The following TCF12 variants were observed in gnomAD, a reference collection of about 807,000 sequenced individuals.
The protein encoded by TCF12 is DNA-binding protein HTF4.
In TCF12, 45 loss-of-function variants were observed where a neutral mutation model predicts 86.0. The observed-to-expected ratio is 0.52, with a 90% CI of 0.41 to 0.67. The LOEUF (loss-of-function observed/expected upper bound fraction) is 0.67. Among genes scored for constraint, TCF12 ranks in the 30% least tolerant of loss-of-function variants. The probability of loss-of-function intolerance (pLI) is 0.00; values close to 1 mark genes in which losing one functional copy is unlikely to be tolerated. For missense variants in TCF12, 881 were observed against 859.9 expected, an observed-to-expected ratio of 1.02 and a Z score of -0.31; for synonymous variants, 330 against 299.6, an observed-to-expected ratio of 1.10 and a Z score of -1.05.
At chr15:56,951,725 C>T (rs1163087949) in intron 3 of TCF12, among the ~76,000 whole-genome samples, 1 of 152,192 alleles carries the variant, frequency 6.6e-6, no homozygotes, top group Non-Finnish European at 1.5e-5. Flanking sequence ...TCATGTCTCA[C>T]TGCAGCCTCG....
At chr15:57,062,919 T>G (rs1426678042) in intron 3 of TCF12, among the ~76,000 whole-genome samples, 1 of 152,182 alleles carries the variant, frequency 6.6e-6, no homozygotes, top group African/African-American at 2.4e-5. Flanking sequence ...TGAAAAAGAC[T>G]GGAGTCTTCA....
chr15:57,121,250 C>T (rs1482161546), intron 5 of TCF12, among the ~76,000 whole-genome samples: 1 of 152,148 alleles, frequency 6.6e-6, no homozygotes, highest in Admixed American at 6.5e-5. Flanking sequence ...TGGATAGAAC[C>T]AGACTTTGTC....
chr15:57,185,129 T>TTCTC (rs2056592921), intron 6 of TCF12, among the ~76,000 whole-genome samples: 1 of 152,232 alleles, frequency 6.6e-6, no homozygotes, highest in Admixed American at 6.5e-5. Context: ...TGAAATTGTC[T>TTCTC]TCTCTCTACT....
intron 16 of TCF12, among the ~76,000 whole-genome samples, chr15:57,256,651 C>T (rs1332878113): frequency 5.7e-5 from 8 of 140,100 alleles, no homozygotes. Flanking sequence ...TTGTTTTGGG[C>T]TCCTAATAAT....
intron 3 of TCF12, among the ~76,000 whole-genome samples, chr15:56,964,440 A>T (rs982968322): frequency 6.6e-6 from 1 of 151,760 alleles, no homozygotes; most frequent in African/African-American, 2.4e-5. Context: ...CTCAATCTCA[A>T]CTTTCACTCC....
intron 3 of TCF12, among the ~76,000 whole-genome samples, chr15:56,995,752 ATCT>A (rs1408279244): frequency 2.6e-5 from 4 of 152,054 alleles, no homozygotes; most frequent in Admixed American, 1.3e-4. Flanking sequence ...GAGAGAGCTC[ATCT>A]TCTTTTCCTA....
At chr15:57,132,908 TGTAATTATGCACTATACA>T (rs1864960610) in intron 5 of TCF12, among the ~76,000 whole-genome samples, 1 of 152,206 alleles carries the variant, frequency 6.6e-6, no homozygotes, top group South Asian at 2.1e-4. Flanking sequence ...TATCTTCTCT[TGTAATTATGCACTATACA>T]GAGTCACCCC....
intron 5 of TCF12, among the ~76,000 whole-genome samples, chr15:57,117,897 T>A (rs2050952244): frequency 6.6e-6 from 1 of 152,180 alleles, no homozygotes; most frequent in Non-Finnish European, 1.5e-5. Flanking sequence ...GTGAAGAGTT[T>A]ATATTTCAAT....
intron 6 of TCF12, 62 bp from the exon 7 acceptor site, chr15:57,192,096 A>G: frequency 6.3e-7 from 1 of 1,581,922 alleles, no homozygotes; most frequent in Non-Finnish European, 8.6e-7. Flanking sequence ...AAGTGATGAA[A>G]TTTTCAGGTT....
At chr15:57,111,360 C>G (rs759198407) in intron 5 of TCF12, among the ~76,000 whole-genome samples, 3 of 152,014 alleles carry the variant, frequency 2.0e-5, no homozygotes, top group Non-Finnish European at 4.4e-5. Flanking sequence ...AGGGACAATT[C>G]CTTTTCTCTC....
intron 8 of TCF12, among the ~76,000 whole-genome samples, chr15:57,210,528 GTTAGATAGGAATTA>G (rs1339376129): frequency 6.6e-6 from 1 of 152,068 alleles, no homozygotes; most frequent in East Asian, 1.9e-4. Flanking sequence ...GTGCCCCTTG[GTTAGATAGGAATTA>G]TTAGATAGGA....
chr15:57,054,773 CTTTTTTTTTTTTTTT>C lies in TCF12; in HGVS notation c.149-8962_149-8948del, dbSNP rs35859330. 2.5e-4 allele frequency among the ~76,000 whole-genome samples: 6 copies of C among 24,166 alleles called. No homozygotes were observed. In the Admixed American group the frequency reaches 2.6e-3, roughly 11 times the overall value. 15.9% of individuals were successfully genotyped at this position (24,166 alleles called of 152,430 possible). A position where few individuals can be genotyped will look rare whatever the true frequency, so the allele number is the denominator to read the frequency against. Reference sequence around the variant, plus strand: ...AGCTGGCTTTTTTGCAATGCCTCTGCTTTTTTTTTTTTTTTTTTTTTTTTTTTTTGGTAGCGTCTC... The same window carrying C: ...AGCTGGCTTTTTTGCAATGCCTCTGCTTTTTTTTTTTTTTGGTAGCGTCTC... On this transcript the variant is annotated intron_variant, in intron 3 of 20. Coordinates refer to ENST00000333725, the MANE Select transcript of TCF12 (RefSeq NM_207037.2).
chr15:57,198,544 ACTTTATT>A (rs1224111036), intron 8 of TCF12, among the ~76,000 whole-genome samples: 4 of 152,224 alleles, frequency 2.6e-5, no homozygotes, highest in African/African-American at 9.6e-5. Flanking sequence ...TATTAAATAT[ACTTTATT>A]CTTTAAAGGA....
At chr15:57,166,698 AAGC>A (rs2054920982) in intron 6 of TCF12, among the ~76,000 whole-genome samples, 1 of 152,348 alleles carries the variant, frequency 6.6e-6, no homozygotes, top group South Asian at 2.1e-4. Context: ...ACTGGAAACA[AAGC>A]TACCGCTTTC....
intron 8 of TCF12, among the ~76,000 whole-genome samples, chr15:57,208,225 G>A (rs2057932542): frequency 6.6e-6 from 1 of 151,304 alleles, no homozygotes; most frequent in African/African-American, 2.4e-5. Context: ...AGTAGAGACG[G>A]GTTTCACCAT....
intron 8 of TCF12, among the ~76,000 whole-genome samples, chr15:57,209,536 A>G (rs1408679279): frequency 6.6e-6 from 1 of 152,226 alleles, no homozygotes; most frequent in Non-Finnish European, 1.5e-5. Context: ...TATTTCTCTT[A>G]CTAGAATTCT....
intron 5 of TCF12, among the ~76,000 whole-genome samples, chr15:57,164,735 C>T (rs368620400): frequency 6.6e-6 from 1 of 152,092 alleles, no homozygotes; most frequent in African/African-American, 2.4e-5. Context: ...GGCTGGAGTA[C>T]AATGGCACGA....
intron 12 of TCF12, among the ~76,000 whole-genome samples, chr15:57,236,271 C>G (rs140376963): frequency 6.6e-6 from 1 of 152,120 alleles, no homozygotes; most frequent in Admixed American, 6.5e-5. Flanking sequence ...CTTACAGACT[C>G]GCATTCACTT....
chr15:57,087,918 T>G (rs893268829), intron 4 of TCF12, among the ~76,000 whole-genome samples: 19 of 152,186 alleles, frequency 1.2e-4, no homozygotes, highest in African/African-American at 4.3e-4. Flanking sequence ...AAAATCTCGT[T>G]TATCTTAGTT....
Sources: gnomAD v4.1 joint callset for allele counts (sites outside exome capture counted in the v4.1 genomes callset) on GRCh38, gnomAD v4.1.1 for gene constraint, MANE v1.5 for transcripts, NCBI Gene and HGNC (gene_info 2026-07-23, HGNC 2026-07-21) for gene names.